FER1L6: variants seen among roughly 807,000 people sequenced by gnomAD.
The protein encoded by FER1L6 is fer-1 like family member 6.
FER1L6 carries 177 observed loss-of-function variants against 219.2 expected under a neutral mutation model. The ratio of observed to expected loss-of-function variants is 0.81; its 90% CI spans 0.71 to 0.91. The LOEUF is 0.91. Among genes scored for constraint, FER1L6 ranks in the 40% least tolerant of loss-of-function variants. The probability of loss-of-function intolerance (pLI) is 0.00; values close to 1 mark genes in which losing one functional copy is unlikely to be tolerated. For synonymous variants in FER1L6, 768 were observed against 824.3 expected (o/e 0.93, Z 1.17); for missense variants, 2,153 against 2,259.9 (o/e 0.95, Z 0.96).
At chr8:123,860,906 G>A (rs1158977212) in intron 1 of FER1L6, among the ~76,000 whole-genome samples, 1 of 43,140 alleles carries the variant, frequency 2.3e-5, no homozygotes, top group Admixed American at 3.1e-4. Flanking sequence ...AGTAGGTTGC[G>A]AAAATTTTCT....
intron 1 of FER1L6, among the ~76,000 whole-genome samples, chr8:123,863,633 C>A (rs1362517581): frequency 7.2e-6 from 1 of 139,536 alleles, no homozygotes; most frequent in African/African-American, 2.9e-5. Context: ...TTGTAGGTCA[C>A]TCAGGACTTG....
chr8:123,862,314 T>C (rs1816760054), intron 1 of FER1L6, among the ~76,000 whole-genome samples: 1 of 114,318 alleles, frequency 8.7e-6, no homozygotes, highest in Non-Finnish European at 1.8e-5. Context: ...CAGCCTTGCA[T>C]CCCAGGGATG....
Position 124,119,706 on chromosome 8 carries a change from T to TCTCATCATC in FER1L6, c.5500_5508dup (p.Leu1834_Ile1836dup). On this transcript the variant is annotated inframe_insertion, in exon 41 of 41. Coordinates refer to ENST00000522917, the MANE Select transcript of FER1L6 (RefSeq NM_001039112.2). ...AAAAGTACATCATCATTGCTTTCATTCTCATCATCCTCATCATCTTCCTCG... is the reference window on the plus strand; with the variant it reads ...AAAAGTACATCATCATTGCTTTCATTCTCATCATCCTCATCATCCTCATCATCTTCCTCG... 6.2e-7 allele frequency: 1 copy of TCTCATCATC among 1,613,566 alleles called. No individual in the cohort carries two copies. The highest frequency in any genetic ancestry group is 8.5e-7 in the Non-Finnish European group (1 of 1,179,526).
intron 3 of FER1L6, among the ~76,000 whole-genome samples, chr8:123,965,051 C>T (rs1815473146): frequency 2.0e-5 from 3 of 152,170 alleles, no homozygotes; most frequent in South Asian, 2.1e-4. Flanking sequence ...TATTGATGAA[C>T]CAATTAAATG....
chr8:123,994,814 A>G (rs1817051648), intron 12 of FER1L6, among the ~76,000 whole-genome samples: 1 of 152,340 alleles, frequency 6.6e-6, no homozygotes. Flanking sequence ...GCAGGCTTCT[A>G]CAAGGTCCCC....
intron 39 of FER1L6, among the ~76,000 whole-genome samples, chr8:124,116,511 C>T (rs1322013686): frequency 6.6e-6 from 1 of 151,846 alleles, no homozygotes; most frequent in Non-Finnish European, 1.5e-5. Flanking sequence ...GCATGAAACA[C>T]CATGCAAGTT....
intron 1 of FER1L6, among the ~76,000 whole-genome samples, chr8:123,867,968 C>T (rs1444783262): frequency 6.6e-6 from 1 of 152,204 alleles, no homozygotes; most frequent in Non-Finnish European, 1.5e-5. Context: ...AACCATTATT[C>T]TAAATTTCAG....
At chr8:123,953,386 G>T (rs911920961) in intron 1 of FER1L6, among the ~76,000 whole-genome samples, 1 of 152,176 alleles carries the variant, frequency 6.6e-6, no homozygotes, top group Admixed American at 6.5e-5. Flanking sequence ...TGGGTCTGCC[G>T]TAGAGTAATT....
At chr8:124,062,752 G>A (rs773522072) in intron 25 of FER1L6, among the ~76,000 whole-genome samples, 28 of 152,084 alleles carry the variant, frequency 1.8e-4, no homozygotes, top group Non-Finnish European at 2.6e-4. Flanking sequence ...GAGGGAAGAC[G>A]CTATGTGGGA....
Position 123,992,937 on chromosome 8 carries a change from A to C in FER1L6, c.1519+6761A>C, listed in dbSNP as rs186176354. 2.9e-3 allele frequency among the ~76,000 whole-genome samples: 438 copies of C among 152,282 alleles called. 10 individuals are homozygous for C. Among genetic ancestry groups the C allele is most frequent in the East Asian group, 8.7e-3 (45 of 5,186 alleles). ...TATTTCAAAGAATTTTTAAATTTCC[A>C]TCTTGATTTCATTGTTAAACCAAAA... On this transcript the variant is annotated intron_variant, in intron 12 of 40. Coordinates refer to ENST00000522917, the MANE Select transcript of FER1L6 (RefSeq NM_001039112.2).
intron 18 of FER1L6, among the ~76,000 whole-genome samples, chr8:124,028,677 G>T (rs1369425211): frequency 3.3e-5 from 5 of 152,200 alleles, no homozygotes; most frequent in African/African-American, 4.8e-5. Context: ...AGAAGTTGCA[G>T]TTGTAACCTT....
intron 9 of FER1L6, among the ~76,000 whole-genome samples, chr8:123,976,402 G>C (rs1816075388): frequency 6.6e-6 from 1 of 152,034 alleles, no homozygotes; most frequent in Non-Finnish European, 1.5e-5. Flanking sequence ...CCCAGCTACT[G>C]GGTGGCTAAG....
chr8:123,895,842 C>T (rs901270597), intron 1 of FER1L6, among the ~76,000 whole-genome samples: 2 of 152,100 alleles, frequency 1.3e-5, no homozygotes, highest in African/African-American at 4.8e-5. Context: ...TAACAAGATA[C>T]GCAGAGTCAA....
intron 28 of FER1L6, among the ~76,000 whole-genome samples, chr8:124,069,086 G>C (rs1009349500): frequency 3.8e-4 from 58 of 152,054 alleles, no homozygotes; most frequent in African/African-American, 1.3e-3. Context: ...ACAGGCGCCC[G>C]CCACCATGCC....
intron 1 of FER1L6, among the ~76,000 whole-genome samples, chr8:123,940,931 T>C (rs906411478): frequency 5.9e-5 from 9 of 152,160 alleles, no homozygotes; most frequent in African/African-American, 2.2e-4. Flanking sequence ...AATGGGGTAA[T>C]TTCTCAAAAG....
chr8:123,853,921 C>T lies in FER1L6; in HGVS notation c.-8+1736C>T, dbSNP rs1254277655. Reference sequence around the variant, plus strand: ...CCTGGACAGGGCAGCAGAAGGTGCACCTCTGAGGAGCAAAGGATGCAGGGC... The same window carrying T: ...CCTGGACAGGGCAGCAGAAGGTGCATCTCTGAGGAGCAAAGGATGCAGGGC... On this transcript the variant is annotated intron_variant, in intron 1 of 40. Transcript: ENST00000522917. This position sits in a 1 kb window ranked among gnomAD's most constrained non-coding sequence, Gnocchi z 6.6. Among the ~76,000 whole-genome samples the T allele has an allele frequency of 6.6e-6, 1 of 152,198 alleles. No homozygotes were observed. The highest frequency in any genetic ancestry group is 1.5e-5 in the Non-Finnish European group (1 of 68,038).
intron 12 of FER1L6, among the ~76,000 whole-genome samples, chr8:123,986,868 A>C (rs1015965381): frequency 2.3e-4 from 35 of 152,160 alleles, no homozygotes; most frequent in Admixed American, 5.9e-4. Context: ...TCATGGATGA[A>C]TAGTACTCCA....
chr8:124,078,243 G>A (rs1409701034), intron 32 of FER1L6, among the ~76,000 whole-genome samples: 2 of 152,144 alleles, frequency 1.3e-5, no homozygotes, highest in Admixed American at 6.5e-5. Flanking sequence ...CCAGTCAGTT[G>A]TCAGTGGGAT....
chr8:124,101,312 A>G lies in FER1L6; in HGVS notation c.5099A>G (p.Glu1700Gly), dbSNP rs1190256825. Residue 1700 changes from glutamate (E) to glycine (G), a missense_variant, in exon 38 of 41, where the codon GAA becomes GGA. Coordinates refer to ENST00000522917, the MANE Select transcript of FER1L6 (RefSeq NM_001039112.2). ...AVLVLQVWDF[E>G]RLSSDDFLGT... ...TTGGTGCTGCAGGTTTGGGATTTTG[A>G]AAGGCTGTCCTCAGATGACTTCCTG... 2.5e-6 allele frequency: 4 copies of G among 1,613,650 alleles called. No homozygotes were observed. The highest frequency in any genetic ancestry group is 1.3e-5 in the African/African-American group (1 of 74,900).
Sources: gnomAD v4.1 joint callset for allele counts (sites outside exome capture counted in the v4.1 genomes callset) on GRCh38, gnomAD v4.1.1 for gene constraint, Gnocchi (gnomAD v3.1) non-coding constraint, MANE v1.5 for transcripts, NCBI Gene and HGNC (gene_info 2026-07-23, HGNC 2026-07-21) for gene names.